Variants in DLC1 observed in about 807,000 individuals in gnomAD.
DLC1 encodes the protein rho GTPase-activating protein 7.
A neutral mutation model predicts 140.3 loss-of-function variants in DLC1; 54 were observed. The observed-to-expected ratio is 0.38, with a 90% confidence interval of 0.31 to 0.48. The LOEUF is 0.48. DLC1 is among the 20% of genes least tolerant of loss of function. The pLI, the probability that DLC1 is intolerant of heterozygous loss-of-function variation, is 0.96. For synonymous variants in DLC1, 986 were observed against 728.1 expected, an observed-to-expected ratio of 1.35 and a Z score of -5.70; for missense variants, 2,536 against 1,907.0, an observed-to-expected ratio of 1.33 and a Z score of -6.14.
At chr8:13,578,087 C>T (rs991319366) in intron 1 of DLC1, among the ~76,000 whole-genome samples, 9 of 151,942 alleles carry the variant, frequency 5.9e-5, no homozygotes, top group African/African-American at 1.7e-4. Context: ...TTTCTCTGTG[C>T]GTCCAGTGAA....
chr8:13,433,811 A>G (rs962609536), intron 2 of DLC1, among the ~76,000 whole-genome samples: 1 of 152,176 alleles, frequency 6.6e-6, no homozygotes, highest in African/African-American at 2.4e-5. Flanking sequence ...GAAAAGAAAA[A>G]GTGGATGTTC....
intron 5 of DLC1, among the ~76,000 whole-genome samples, chr8:13,211,287 G>C (rs200491939): frequency 6.6e-6 from 1 of 152,168 alleles, no homozygotes; most frequent in Non-Finnish European, 1.5e-5. Context: ...CAATGCACAA[G>C]GGCTACTCTG....
Position 13,228,489 on chromosome 8 carries a change from C to A in DLC1, c.1348+76780G>T, listed in dbSNP as rs532530769. On this transcript the variant is annotated intron_variant, in intron 5 of 17. Transcript: ENST00000276297. ...CAGGCGTGATGGCTCACATTTGTAA[C>A]CCCAACACTTTGGGAGGCTGAGGTG... Among the ~76,000 whole-genome samples the A allele has an allele frequency of 3.3e-5, 5 of 152,082 alleles. No individual in the cohort carries two copies. The East Asian group carries it at 9.7e-4, about 29-fold the overall frequency.
intron 5 of DLC1, among the ~76,000 whole-genome samples, chr8:13,236,590 G>T (rs539466814): frequency 6.6e-6 from 1 of 152,116 alleles, no homozygotes; most frequent in African/African-American, 2.4e-5. Flanking sequence ...ACAGATTTCT[G>T]GGTCCTTTAA....
In DLC1 at chr8:13,237,710, T is replaced by C. The variant is rs549061250; in HGVS notation, c.1348+67559A>G. 2.6e-5 allele frequency among the ~76,000 whole-genome samples: 4 copies of C among 152,230 alleles called. No individual in the cohort carries two copies. In the South Asian group the frequency reaches 6.2e-4, roughly 24 times the overall value. The stretch of plus-strand genomic sequence containing the variant: ...TCCCACTTATGAGAGGATGCACATA[T>C]GCTATTCCGGGAGATGGTCAAGCTT... On this transcript the variant is annotated intron_variant, in intron 5 of 17. Transcript: ENST00000276297.
intron 1 of DLC1, among the ~76,000 whole-genome samples, chr8:13,539,361 A>G (rs1988612): frequency 0.38 from 57,931 of 151,814 alleles, 11,260 homozygotes; most frequent in African/African-American, 0.41. Flanking sequence ...CACCACACCC[A>G]GCTAATTTTT....
chr8:13,469,507 A>G (rs59083793), intron 2 of DLC1, among the ~76,000 whole-genome samples: 1 of 152,128 alleles, frequency 6.6e-6, no homozygotes, highest in Admixed American at 6.5e-5. Context: ...CATTGTGGCC[A>G]TTAAAAGCAA....
intron 5 of DLC1, among the ~76,000 whole-genome samples, chr8:13,275,756 G>A (rs1165816698): frequency 6.6e-6 from 1 of 152,068 alleles, no homozygotes; most frequent in Non-Finnish European, 1.5e-5. Context: ...GTAGCTCCAG[G>A]CTGCCAGAGG....
chr8:13,205,396 G>A (rs1221272173), intron 5 of DLC1, among the ~76,000 whole-genome samples: 2 of 152,138 alleles, frequency 1.3e-5, no homozygotes, highest in Non-Finnish European at 2.9e-5. Flanking sequence ...CATTCCACAT[G>A]GCATGTGTCA....
intron 2 of DLC1, among the ~76,000 whole-genome samples, chr8:13,450,291 C>T (rs1007366431): frequency 6.6e-6 from 1 of 151,348 alleles, no homozygotes; most frequent in African/African-American, 2.4e-5. Flanking sequence ...GCTGTCTCTA[C>T]TAAAAATATA....
intron 5 of DLC1, among the ~76,000 whole-genome samples, chr8:13,133,800 G>A (rs1822343280): frequency 6.6e-6 from 1 of 152,066 alleles, no homozygotes; most frequent in African/African-American, 2.4e-5. Flanking sequence ...AAATTTGCGG[G>A]AACGGAGGGG....
At chr8:13,235,996 C>G (rs1249704214) in intron 5 of DLC1, among the ~76,000 whole-genome samples, 1 of 149,018 alleles carries the variant, frequency 6.7e-6, no homozygotes, top group East Asian at 2.0e-4. Flanking sequence ...AAAAAAAAAA[C>G]TATAATTAAG....
chr8:13,134,318 C>G (rs975734851), intron 5 of DLC1, among the ~76,000 whole-genome samples: 1 of 152,180 alleles, frequency 6.6e-6, no homozygotes, highest in African/African-American at 2.4e-5. Context: ...ATTCATTCAA[C>G]AAATACAGAA....
In DLC1 at chr8:13,394,482, C is replaced by T. The variant is rs139062456; in HGVS notation, c.1174-789G>A. 8.4e-3 allele frequency among the ~76,000 whole-genome samples: 1,243 copies of T among 148,718 alleles called. 12 individuals carry two copies. The highest frequency in any genetic ancestry group is 0.012 in the Non-Finnish European group (795 of 68,016). ...GGATAGAATTACCTGGTAACCTCTG[C>T]AAAGGCTGCGCATTTAATATATCAT... On this transcript the variant is annotated intron_variant, in intron 3 of 17. Transcript: ENST00000276297.
At chr8:13,584,929 C>T (rs1805247533) in intron 1 of DLC1, among the ~76,000 whole-genome samples, 1 of 152,170 alleles carries the variant, frequency 6.6e-6, no homozygotes, top group African/African-American at 2.4e-5. Context: ...AAATCTCTTA[C>T]ACCTCTAATC....
intron 5 of DLC1, among the ~76,000 whole-genome samples, chr8:13,184,048 G>T (rs982112758): frequency 6.6e-6 from 1 of 152,176 alleles, no homozygotes; most frequent in Non-Finnish European, 1.5e-5. Context: ...TCTTTGGAGG[G>T]TGTATGTGTC....
intron 1 of DLC1, among the ~76,000 whole-genome samples, chr8:13,570,379 T>G (rs926165083): frequency 9.3e-5 from 14 of 150,020 alleles, no homozygotes; most frequent in Non-Finnish European, 1.5e-4. Flanking sequence ...TGTGCCATGC[T>G]GGTGCGCTGC....
intron 4 of DLC1, among the ~76,000 whole-genome samples, chr8:13,316,337 G>C (rs1024240214): frequency 6.6e-6 from 1 of 152,234 alleles, no homozygotes; most frequent in Admixed American, 6.5e-5. Context: ...AGTATATACA[G>C]AGTCATAGGT....
chr8:13,110,674 T>G lies in DLC1; in HGVS notation c.1502+68A>C, dbSNP rs563752433. Reference sequence around the variant, plus strand: ...AGCAAGAACAAAAGCAAACAAAGCCTATCTTTGTGAGAAGTACTGTGTTCT... The same window carrying G: ...AGCAAGAACAAAAGCAAACAAAGCCGATCTTTGTGAGAAGTACTGTGTTCT... On this transcript the variant is annotated intron_variant, in intron 7 of 17. Transcript: ENST00000276297. 8.4e-6 allele frequency: 12 copies of G among 1,432,536 alleles called. No homozygotes were observed. The East Asian group carries it at 1.1e-4, about 14-fold the overall frequency. 88.7% of individuals were successfully genotyped at this position (1,432,536 alleles called of 1,614,324 possible). A position where few individuals can be genotyped will look rare whatever the true frequency, so the allele number is the denominator to read the frequency against.
Sources: gnomAD v4.1 joint callset for allele counts (sites outside exome capture counted in the v4.1 genomes callset) on GRCh38, gnomAD v4.1.1 for gene constraint, MANE v1.5 for transcripts, NCBI Gene and HGNC (gene_info 2026-07-23, HGNC 2026-07-21) for gene names.